The following ZNF519 variants were observed in gnomAD, a reference collection of about 807,000 sequenced individuals.
The protein encoded by ZNF519 is similar to Zinc finger protein 85 (Zinc finger protein HPF4) (HTF1).
In ZNF519, 7 loss-of-function variants were observed where a neutral mutation model predicts 7.4. The observed-to-expected ratio is 0.94, with a 90% confidence interval of 0.54 to 1.77. ZNF519 has a LOEUF of 1.77. Among genes scored for constraint, ZNF519 ranks in the 40% most tolerant of loss-of-function variants. The pLI is 0.00. For missense variants in ZNF519, 586 were observed against 623.1 expected (o/e 0.94, Z 0.63); for synonymous variants, 179 against 203.3 (o/e 0.88, Z 1.02).
chr18:14,079,408 G>A (rs751230256), intron 3 of ZNF519, among the ~76,000 whole-genome samples: 3 of 152,096 alleles, frequency 2.0e-5, no homozygotes, highest in Admixed American at 6.5e-5. Context: ...TATTAAAACT[G>A]ACTCTAAAGC....
downstream of ZNF519, among the ~76,000 whole-genome samples, chr18:14,097,460 A>C (rs2046141352): frequency 6.6e-6 from 1 of 152,200 alleles, no homozygotes; most frequent in African/African-American, 2.4e-5. Context: ...ATCCCATATC[A>C]GTATGACCTC....
chr18:14,083,572 CGAT>C (rs775795328), intron 3 of ZNF519, among the ~76,000 whole-genome samples: 1 of 152,094 alleles, frequency 6.6e-6, no homozygotes, highest in Non-Finnish European at 1.5e-5. Flanking sequence ...CTTTATTTCT[CGAT>C]GATATCAATT....
At chr18:14,106,744 C>T (rs1385821641) in intron 2 of ZNF519, among the ~76,000 whole-genome samples, 1 of 152,164 alleles carries the variant, frequency 6.6e-6, no homozygotes, top group Non-Finnish European at 1.5e-5. Context: ...CCACCCCTCA[C>T]TCATGCCCTG....
Position 14,104,792 on chromosome 18 carries a change from T to C in ZNF519, c.*125A>G, listed in dbSNP as rs1337526576. The stretch of plus-strand genomic sequence containing the variant: ...TGACACTTCTAATTTTTATTTAATC[T>C]TCATTTTGATGTTTCAAAAATCATT... On this transcript the variant is annotated 3_prime_UTR_variant, in exon 3 of 3. Transcript: ENST00000590202. The C allele has an allele frequency of 9.0e-7, 1 of 1,107,144 alleles. No individual in the cohort carries two copies. The highest frequency in any genetic ancestry group is 1.2e-6 in the Non-Finnish European group (1 of 816,128). The allele number at this position is 1,107,144 out of a possible 1,614,324, so 68.6% of individuals were successfully genotyped here.
At chr18:14,125,212 A>G (rs569502369) in intron 1 of ZNF519, among the ~76,000 whole-genome samples, 2 of 152,202 alleles carry the variant, frequency 1.3e-5, no homozygotes, top group Non-Finnish European at 2.9e-5. Context: ...ACCAATCATC[A>G]GCCTGAAACT....
chr18:14,087,992 G>C (rs1169417186), intron 2 of ZNF519, among the ~76,000 whole-genome samples: 3 of 152,128 alleles, frequency 2.0e-5, no homozygotes, highest in Non-Finnish European at 4.4e-5. Context: ...TGTAGAGAGA[G>C]CTGGCACACT....
At chr18:14,079,664 T>C (rs555028488) in intron 3 of ZNF519, among the ~76,000 whole-genome samples, 2 of 152,316 alleles carry the variant, frequency 1.3e-5, no homozygotes, top group South Asian at 4.1e-4. Flanking sequence ...GTAGCTAAGA[T>C]AGCCTCTTCA....
chr18:14,109,179 T>C (rs926936105), intron 2 of ZNF519, among the ~76,000 whole-genome samples: 8 of 151,784 alleles, frequency 5.3e-5, no homozygotes, highest in Non-Finnish European at 1.2e-4. Context: ...GAATGTTACA[T>C]ACATATGCAC....
chr18:14,105,789 G>A lies in ZNF519; in HGVS notation c.751C>T (p.His251Tyr). The change falls in exon 3 of 3, where the codon CAT becomes TAT. Residue 251 changes from histidine (H) to tyrosine (Y), a missense_variant. By Grantham distance (83) the His-to-Tyr change is moderately conservative. Transcript: ENST00000590202. ...TTAATTATCTTATGTCCCTTTAGATGTGATTGACTAAAGACTATTATACAT... is the reference window on the plus strand; with the variant it reads ...TTAATTATCTTATGTCCCTTTAGATATGATTGACTAAAGACTATTATACAT... ...KKCIIVFSQSHLKGHKIINTG... is the reference protein window; with the variant it reads ...KKCIIVFSQSYLKGHKIINTG... The A allele has an allele frequency of 6.2e-7, 1 of 1,610,260 alleles. No individual in the cohort carries two copies. The highest frequency in any genetic ancestry group is 1.7e-5 in the Admixed American group (1 of 58,978).
chr18:14,079,760 A>C (rs1244057395), intron 3 of ZNF519, among the ~76,000 whole-genome samples: 1 of 152,236 alleles, frequency 6.6e-6, no homozygotes, highest in South Asian at 2.1e-4. Flanking sequence ...AACACAAAAT[A>C]GATTACAAGT....
At chr18:14,122,743 A>C (rs529329419) in intron 2 of ZNF519, 2 of 152,076 alleles carry the variant, frequency 1.3e-5, no homozygotes, top group African/African-American at 4.8e-5. Flanking sequence ...TTCCCAAACT[A>C]CATTTTTTTT....
intron 2 of ZNF519, among the ~76,000 whole-genome samples, chr18:14,107,118 T>C (rs2046197336): frequency 6.6e-6 from 1 of 152,118 alleles, no homozygotes; most frequent in South Asian, 2.1e-4. Flanking sequence ...AGATACAAAC[T>C]GGTGCAGCTA....
Position 14,124,178 on chromosome 18 carries a change from A to AAAC in ZNF519, c.130+171_130+172insGTT. ...ACAAGAGCGAAACTCTGTCTCAATT[A>AAAC]AAAAAAAAAAAAAAAGATTTTCTTT... On this transcript the variant is annotated intron_variant, in intron 2 of 2. Coordinates refer to ENST00000590202, the MANE Select transcript of ZNF519 (RefSeq NM_145287.4). The AAAC allele has an allele frequency of 8.7e-5, 13 of 149,614 alleles. No homozygotes were observed. In the South Asian group the frequency reaches 2.5e-3, roughly 29 times the overall value. 9.3% of individuals were successfully genotyped at this position (149,614 alleles called of 1,614,324 possible).
chr18:14,107,227 C>T (rs771867539), intron 2 of ZNF519, among the ~76,000 whole-genome samples: 1 of 152,150 alleles, frequency 6.6e-6, no homozygotes, highest in African/African-American at 2.4e-5. Context: ...AAAGAGTAAA[C>T]AGGACTTTGT....
intron 4 of ZNF519, among the ~76,000 whole-genome samples, chr18:14,077,985 T>C (rs1446468554): frequency 2.0e-5 from 3 of 152,168 alleles, no homozygotes; most frequent in Admixed American, 6.5e-5. Context: ...AATTTTTCCA[T>C]GGACAGGATC....
At chr18:14,084,819 T>G (rs2046083406) in intron 3 of ZNF519, 1 of 152,146 alleles carries the variant, frequency 6.6e-6, no homozygotes, top group African/African-American at 2.4e-5. Flanking sequence ...GGAGGTGGAA[T>G]ATAGAGAAAG....
chr18:14,084,862 C>T (rs1434450196), intron 3 of ZNF519: 1 of 152,238 alleles, frequency 6.6e-6, no homozygotes, highest in Non-Finnish European at 1.5e-5. Context: ...AATAAATGAA[C>T]GTTGAAAGAC....
At position 14,105,066 on chromosome 18, in the gene ZNF519, C is replaced by T; in HGVS notation, c.1474G>A (p.Glu492Lys). 1 of 1,612,022 alleles carries T rather than the reference C, an allele frequency of 6.2e-7. No individual in the cohort carries two copies. Among genetic ancestry groups the T allele is most frequent in the Non-Finnish European group, 8.5e-7 (1 of 1,179,074 alleles). The change falls in exon 3 of 3, where the codon GAA (glutamate) becomes AAA (lysine). Residue 492 changes from glutamate (E) to lysine (K), a missense_variant. Glu to Lys is a moderately conservative substitution (Grantham distance 56). Coordinates refer to ENST00000590202, the MANE Select transcript of ZNF519 (RefSeq NM_145287.4). ...HTGEKFFKCK[E>K]CGKAFTRSSH... ...CTCCTGGTAAAAGCTTTGCCACATT[C>T]TTTACATTTGAAGAATTTCTCTCCA...
downstream of ZNF519, chr18:14,075,522 A>AT (rs1337040704): frequency 6.6e-6 from 1 of 152,240 alleles, no homozygotes; most frequent in Non-Finnish European, 1.5e-5. Flanking sequence ...GATTGAGAAA[A>AT]TGTTTCAACC....
Sources: allele counts gnomAD v4.1 joint callset (sites outside exome capture counted in the v4.1 genomes callset), GRCh38; gene constraint gnomAD v4.1.1; transcripts MANE v1.5; gene names NCBI Gene and HGNC (gene_info 2026-07-23, HGNC 2026-07-21).